Variants in UBE2D2 observed in about 807,000 individuals in gnomAD.
UBE2D2 encodes the protein ubiquitin-conjugating enzyme E2 D2.
UBE2D2 carries 2 observed loss-of-function variants against 24.2 expected under a neutral mutation model. That is an observed-to-expected ratio of 0.08 (90% CI 0.03 to 0.26). The LOEUF is 0.26. UBE2D2 is among the 10% of genes least tolerant of loss of function. The probability of loss-of-function intolerance (pLI) is 1.00; values close to 1 mark genes in which losing one functional copy is unlikely to be tolerated. For synonymous variants in UBE2D2, 58 were observed against 56.5 expected (o/e 1.03, Z -0.12); for missense variants, 44 against 177.6 (o/e 0.25, Z 4.28).
chr5:139,548,259 G>A (rs775512820), intron 1 of UBE2D2, among the ~76,000 whole-genome samples: 45 of 149,718 alleles, frequency 3.0e-4, no homozygotes, highest in Non-Finnish European at 4.5e-4. Flanking sequence ...AGATTTTGTA[G>A]GCAACTCATA....
intron 1 of UBE2D2, among the ~76,000 whole-genome samples, chr5:139,540,127 C>T (rs1400919202): frequency 6.6e-6 from 1 of 151,990 alleles, no homozygotes; most frequent in African/African-American, 2.4e-5. Flanking sequence ...CCATGTTGGC[C>T]AGGCTGGTCG....
chr5:139,580,184 C>T (rs1477313031), intron 1 of UBE2D2, among the ~76,000 whole-genome samples: 1 of 152,146 alleles, frequency 6.6e-6, no homozygotes, highest in Non-Finnish European at 1.5e-5. Context: ...GCCTCAACTT[C>T]CTGGGCTCAG....
chr5:139,625,966 G>T (rs373939445), intron 6 of UBE2D2, among the ~76,000 whole-genome samples: 2 of 151,936 alleles, frequency 1.3e-5, no homozygotes, highest in African/African-American at 4.8e-5. Context: ...TTATTCAAAT[G>T]TTCTTCTGAA....
chr5:139,595,441 C>T (rs990258756), intron 1 of UBE2D2, among the ~76,000 whole-genome samples: 10 of 151,848 alleles, frequency 6.6e-5, no homozygotes, highest in African/African-American at 1.2e-4. Context: ...TGCAGTAGCA[C>T]GATGTTGTCT....
chr5:139,545,151 G>A (rs935644677), intron 1 of UBE2D2, among the ~76,000 whole-genome samples: 1 of 152,054 alleles, frequency 6.6e-6, no homozygotes, highest in Non-Finnish European at 1.5e-5. Context: ...TCTAACTCAC[G>A]CTTTTTATGG....
At chr5:139,594,873 A>G (rs1218429282) in intron 1 of UBE2D2, among the ~76,000 whole-genome samples, 2 of 152,178 alleles carry the variant, frequency 1.3e-5, no homozygotes. Context: ...CAGATGCTCA[A>G]GTCCCTGATA....
intron 2 of UBE2D2, among the ~76,000 whole-genome samples, chr5:139,607,960 C>T (rs1250125993): frequency 6.6e-6 from 1 of 151,532 alleles, no homozygotes; most frequent in Non-Finnish European, 1.5e-5. Context: ...CTGCAGTGAG[C>T]CAAAGTTGTG....
intron 1 of UBE2D2, among the ~76,000 whole-genome samples, chr5:139,545,573 C>T (rs1752815555): frequency 6.6e-6 from 1 of 151,182 alleles, no homozygotes; most frequent in Admixed American, 6.6e-5. Flanking sequence ...TTATAGGCAC[C>T]ACCCACCATG....
intron 2 of UBE2D2, among the ~76,000 whole-genome samples, chr5:139,605,033 CTG>C (rs1310645571): frequency 1.3e-5 from 2 of 152,026 alleles, no homozygotes; most frequent in African/African-American, 4.8e-5. Flanking sequence ...AAGAGAGAAA[CTG>C]TTGGCCTTTT....
chr5:139,589,527 C>T (rs1053401878), intron 1 of UBE2D2, among the ~76,000 whole-genome samples: 4 of 151,926 alleles, frequency 2.6e-5, no homozygotes, highest in Non-Finnish European at 4.4e-5. Context: ...CCAGCCTGTG[C>T]GACAGTGAGA....
rs917104934 is a variant in UBE2D2 at position 139,582,285 on chromosome 5, T to C, written c.25-18087T>C. On this transcript the variant is annotated intron_variant, in intron 1 of 6. Transcript: ENST00000398733. Reference sequence around the variant, plus strand: ...TACACAATTTTTTTTTTTTTTGAGATGGAGTTTTGCTCTGTTGCCCAGGCC... The same window carrying C: ...TACACAATTTTTTTTTTTTTTGAGACGGAGTTTTGCTCTGTTGCCCAGGCC... 7.9e-5 allele frequency among the ~76,000 whole-genome samples: 12 copies of C among 151,608 alleles called. No homozygotes were observed. The South Asian group carries it at 1.9e-3, about 24-fold the overall frequency.
At chr5:139,622,494 C>G (rs1446363857) in intron 5 of UBE2D2, among the ~76,000 whole-genome samples, 1 of 150,930 alleles carries the variant, frequency 6.6e-6, no homozygotes, top group East Asian at 2.0e-4. Context: ...CCACCCCCCT[C>G]CGCCTCCCAA....
intron 1 of UBE2D2, among the ~76,000 whole-genome samples, chr5:139,596,979 G>A (rs899295398): frequency 6.6e-6 from 1 of 151,830 alleles, no homozygotes; most frequent in African/African-American, 2.4e-5. Context: ...CCCGGGAGGC[G>A]GAGCTTGCAG....
rs192541367 is a variant in UBE2D2 at position 139,588,949 on chromosome 5, A to G, written c.25-11423A>G. Among the ~76,000 whole-genome samples the G allele has an allele frequency of 2.6e-4, 40 of 152,206 alleles. 1 individual carries two copies. The highest frequency in any genetic ancestry group is 9.2e-4 in the African/African-American group (38 of 41,526). On this transcript the variant is annotated intron_variant, in intron 1 of 6. Transcript: ENST00000398733. ...GCTGGGACTACAGGTGCACACCACC[A>G]TGCCCAGCTGATTTTTAAATGTTTT... is the stretch of plus-strand genomic sequence containing the variant.
rs114401172 is a variant in UBE2D2, at chr5:139,551,553, A to G, written c.-64+24941A>G. 9.4e-3 allele frequency among the ~76,000 whole-genome samples: 1,426 copies of G among 152,310 alleles called. 27 individuals are homozygous for G. The highest frequency in any genetic ancestry group is 0.033 in the African/African-American group (1,360 of 41,574). On this transcript the variant is annotated intron_variant, in intron 1 of 6. Coordinates refer to the UBE2D2 transcript ENST00000511725. ...TGTCTTACCCAAAACCTGTGAATAT[A>G]AAGTGTTTTTTCATGAATTGCTCAT...
chr5:139,610,294 G>A (rs1163889017), intron 2 of UBE2D2, among the ~76,000 whole-genome samples: 1 of 152,000 alleles, frequency 6.6e-6, no homozygotes. Flanking sequence ...TGTAATCCCA[G>A]CACTTTGGGA....
chr5:139,562,541 G>C (rs1753134075), intron 1 of UBE2D2: 2 of 979,574 alleles, frequency 2.0e-6, no homozygotes, highest in Non-Finnish European at 2.7e-6. Flanking sequence ...GGCAAAGGTA[G>C]AGGTAGAAAC....
At chr5:139,558,380 C>T (rs915044815), upstream of UBE2D2, among the ~76,000 whole-genome samples, 60 of 152,234 alleles carry the variant, frequency 3.9e-4, no homozygotes, top group South Asian at 2.1e-3. Flanking sequence ...CTCTGCTTCC[C>T]GGGTTCACGC....
intron 2 of UBE2D2, among the ~76,000 whole-genome samples, chr5:139,609,823 G>A (rs1754275375): frequency 6.8e-6 from 1 of 147,896 alleles, no homozygotes; most frequent in Non-Finnish European, 1.5e-5. Flanking sequence ...CCAGGCTGGA[G>A]TGCAGTGGCA....
Sources: allele counts gnomAD v4.1 joint callset (sites outside exome capture counted in the v4.1 genomes callset), GRCh38; gene constraint gnomAD v4.1.1; transcripts MANE v1.5; gene names NCBI Gene and HGNC (gene_info 2026-07-23, HGNC 2026-07-21).